Variants in TRIM49C observed in about 807,000 individuals in gnomAD.
TRIM49C encodes tripartite motif containing 49C.
A neutral mutation model predicts 21.4 loss-of-function variants in TRIM49C; 6 were observed. The observed-to-expected ratio is 0.28, with a 90% CI of 0.15 to 0.55. TRIM49C has a LOEUF of 0.55. TRIM49C is among the 20% of genes least tolerant of loss of function. TRIM49C has a pLI of 0.94. For synonymous variants in TRIM49C, 57 were observed against 148.1 expected (o/e 0.38, Z 4.47); for missense variants, 161 against 442.4 (o/e 0.36, Z 5.71).
Position 90,035,450 on chromosome 11 carries a change from T to C in TRIM49C, c.239T>C (p.Val80Ala), listed in dbSNP as rs554070183. ...LKKMASLARK[V>A]SLWLFLSSEE... ...AAGATGGCTTCTCTTGCCAGAAAAG[T>C]CAGTCTCTGGCTATTCCTGAGCTCT... is the stretch of plus-strand genomic sequence containing the variant. The change falls in exon 3 of 8, where the codon GTC becomes GCC. Residue 80 changes from valine to alanine, a missense_variant. Around this residue, in one of 3 missense-constraint regions of TRIM49C, gnomAD observed 80 missense variants for 314.8 expected, o/e 0.25. Transcript: ENST00000448984. 248 of 1,482,218 alleles carry C rather than the reference T, an allele frequency of 1.7e-4. 37 individuals are homozygous for C. The Middle Eastern group carries it at 2.1e-3, about 13-fold the overall frequency. 91.8% of individuals were successfully genotyped at this position (1,482,218 alleles called of 1,614,324 possible).
intron 6 of TRIM49C, among the ~76,000 whole-genome samples, chr11:90,039,024 A>G (rs1950748166): frequency 7.3e-6 from 1 of 136,860 alleles, no homozygotes; most frequent in African/African-American, 2.6e-5. Flanking sequence ...GGTTCACACC[A>G]TTCCCCTGCC....
At chr11:90,073,258 T>A in the TRIM49C span, 1 of 1,066,046 alleles carries the variant, frequency 9.4e-7, no homozygotes, top group African/African-American at 1.6e-5. Flanking sequence ...TGGTCCGAGT[T>A]GGTGTGTTTC....
At chr11:90,043,075 G>A (rs1052838736), downstream of TRIM49C, among the ~76,000 whole-genome samples, 2 of 128,856 alleles carry the variant, frequency 1.6e-5, no homozygotes, top group African/African-American at 2.9e-5. Flanking sequence ...TTACATGAAC[G>A]CTGTGGAATT....
downstream of TRIM49C, chr11:90,042,154 A>T (rs1398777132): frequency 4.2e-5 from 6 of 143,986 alleles, 1 homozygote; most frequent in East Asian, 2.1e-4. Context: ...ATTAATTGAA[A>T]TTTTTTTTAA....
downstream of TRIM49C, among the ~76,000 whole-genome samples, chr11:90,045,157 G>A (rs185359702): frequency 1.7e-4 from 23 of 137,454 alleles, 3 homozygotes; most frequent in East Asian, 3.2e-3. Flanking sequence ...GTACCAGTCC[G>A]ATGCTGTTTT....
At chr11:90,048,532 A>G in the TRIM49C span, among the ~76,000 whole-genome samples, 2 of 126,058 alleles carry the variant, frequency 1.6e-5, no homozygotes, top group South Asian at 5.9e-4. Flanking sequence ...TCAATCACTG[A>G]TACCCTTTCT....
At chr11:90,060,275 C>A in the TRIM49C span, among the ~76,000 whole-genome samples, 1 of 138,768 alleles carries the variant, frequency 7.2e-6, no homozygotes, top group Non-Finnish European at 1.5e-5. Context: ...CCACATGCTG[C>A]AAAAAAATAT....
At chr11:90,045,232 T>G (rs1950793972), downstream of TRIM49C, among the ~76,000 whole-genome samples, 1 of 126,918 alleles carries the variant, frequency 7.9e-6, no homozygotes, top group South Asian at 2.9e-4. Flanking sequence ...TTTGTTCTTT[T>G]GGCTTAGGAT....
the TRIM49C span, among the ~76,000 whole-genome samples, chr11:90,066,349 C>T: frequency 1.4e-5 from 2 of 138,860 alleles, no homozygotes; most frequent in Non-Finnish European, 3.1e-5. Flanking sequence ...TTGTTTCTCA[C>T]TCTGTTTTAA....
chr11:90,059,826 G>A, the TRIM49C span, among the ~76,000 whole-genome samples: 1 of 145,586 alleles, frequency 6.9e-6, no homozygotes, highest in Non-Finnish European at 1.5e-5. Context: ...TGGTGATGGA[G>A]GAGGCCCGGG....
In TRIM49C at chr11:90,033,444, A is replaced by C. The variant is rs1159110286; in HGVS notation, c.-5+862A>C. ...GTGGTCCCATAAGATTATAATACCAATATGTTTACTGTACCCTTTCTGTAT... is the reference window on the plus strand; with the variant it reads ...GTGGTCCCATAAGATTATAATACCACTATGTTTACTGTACCCTTTCTGTAT... On this transcript the variant is annotated intron_variant, in intron 2 of 7. Coordinates refer to ENST00000448984, the MANE Select transcript of TRIM49C (RefSeq NM_001195234.1). Among the ~76,000 whole-genome samples, 6 of 135,746 alleles carry C rather than the reference A, an allele frequency of 4.4e-5. 1 individual carries two copies. The highest frequency in any genetic ancestry group is 1.6e-4 in the African/African-American group (6 of 37,960). The allele number at this position is 135,746 out of a possible 152,430, so 89.1% of individuals were successfully genotyped here.
At chr11:90,042,233 A>G (rs866341942), downstream of TRIM49C, among the ~76,000 whole-genome samples, 1,005 of 145,674 alleles carry the variant, frequency 6.9e-3, 27 homozygotes, top group African/African-American at 0.025. Flanking sequence ...GAAGTCCTGA[A>G]AGGAAGGGGA....
Position 90,036,987 on chromosome 11 carries a change from G to A in TRIM49C, c.508-762G>A, listed in dbSNP as rs182358996. On this transcript the variant is annotated intron_variant, in intron 4 of 7. Coordinates refer to ENST00000448984, the MANE Select transcript of TRIM49C (RefSeq NM_001195234.1). Reference sequence around the variant, plus strand: ...TCAAATTGAAACAAAGTTTTCAAGAGGAGGGGGAACACAAATGTGTGTGTG... The same window carrying A: ...TCAAATTGAAACAAAGTTTTCAAGAAGAGGGGGAACACAAATGTGTGTGTG... Among the ~76,000 whole-genome samples the A allele has an allele frequency of 3.0e-5, 4 of 134,642 alleles. 1 individual carries two copies. In the East Asian group the frequency reaches 9.0e-4, roughly 30 times the overall value. The allele number at this position is 134,642 out of a possible 152,430, so 88.3% of individuals were successfully genotyped here. A position where few individuals can be genotyped will look rare whatever the true frequency, so the allele number is the denominator to read the frequency against.
At chr11:90,040,849 C>CAAA (rs530845863) in intron 7 of TRIM49C, among the ~76,000 whole-genome samples, 114 of 132,574 alleles carry the variant, frequency 8.6e-4, no homozygotes, top group East Asian at 4.6e-3. Flanking sequence ...TGTAAGTTTT[C>CAAA]AAAAAAAAAA....
the TRIM49C span, among the ~76,000 whole-genome samples, chr11:90,060,252 G>A: frequency 1.7e-4 from 23 of 138,794 alleles, 2 homozygotes; most frequent in African/African-American, 6.3e-4. Flanking sequence ...AACTCACCTT[G>A]CCGATACATT....
In TRIM49C at chr11:90,039,258, AAGATAAG is replaced by A. The variant is rs796708433; in HGVS notation, c.761+546_761+552del. Among the ~76,000 whole-genome samples, 92 of 128,022 alleles carry A rather than the reference AAGATAAG, an allele frequency of 7.2e-4. 21 individuals carry two copies. The highest frequency in any genetic ancestry group is 2.8e-3 in the African/African-American group (92 of 32,690). 84.0% of individuals were successfully genotyped at this position (128,022 alleles called of 152,430 possible). A position where few individuals can be genotyped will look rare whatever the true frequency, so the allele number is the denominator to read the frequency against. On this transcript the variant is annotated intron_variant, in intron 6 of 7. Transcript: ENST00000448984. ...ATTGCTTGAAAGCCTGCACAGGAGA[AAGATAAG>A]AGTTTTGTTTTGTGAATGGTGAGAA...
downstream of TRIM49C, among the ~76,000 whole-genome samples, chr11:90,045,288 A>C (rs11820078): frequency 0.053 from 4,874 of 92,788 alleles, 767 homozygotes; most frequent in African/African-American, 0.2. Context: ...TGAACTTTAA[A>C]GTAGTTTTTT....
At chr11:90,039,151 C>A (rs1318564206) in intron 6 of TRIM49C, among the ~76,000 whole-genome samples, 5 of 132,524 alleles carry the variant, frequency 3.8e-5, no homozygotes, top group African/African-American at 1.4e-4. Flanking sequence ...TATCTCCTGA[C>A]CCCGTGATCC....
chr11:90,069,394 C>A, the TRIM49C span, among the ~76,000 whole-genome samples: 2 of 130,254 alleles, frequency 1.5e-5, 1 homozygote, highest in Non-Finnish European at 3.2e-5. Context: ...GGATTACAGG[C>A]GTGAGCCACC....
Sources: gnomAD v4.1 joint callset for allele counts (sites outside exome capture counted in the v4.1 genomes callset) on GRCh38, gnomAD v4.1.1 for gene constraint, gnomAD v4.1.1 regional missense constraint, MANE v1.5 for transcripts, NCBI Gene and HGNC (gene_info 2026-07-23, HGNC 2026-07-21) for gene names.